The following SPMIP4 variants were observed in gnomAD, a reference collection of about 807,000 sequenced individuals.
SPMIP4 encodes the protein sperm microtubule inner protein 4.
the SPMIP4 span, chr7:25,136,174 G>C: frequency 6.2e-7 from 1 of 1,614,172 alleles, no homozygotes; most frequent in South Asian, 1.1e-5. This position sits in a 1 kb window ranked among gnomAD's most constrained non-coding sequence, Gnocchi z 5.7. Context: ...ACCAAGAACA[G>C]GTCTTGTTTC....
At chr7:25,131,772 C>T in the SPMIP4 span, among the ~76,000 whole-genome samples, 2 of 152,154 alleles carry the variant, frequency 1.3e-5, no homozygotes, top group African/African-American at 4.8e-5. This position sits in a 1 kb window ranked among gnomAD's most constrained non-coding sequence, Gnocchi z 4.2. Context: ...GGAAGAGAAC[C>T]ATGGAACCCA....
At chr7:25,142,962 A>G in the SPMIP4 span, 1 of 508,722 alleles carries the variant, frequency 2.0e-6, no homozygotes, top group Non-Finnish European at 3.4e-6. Flanking sequence ...GTTAATTACT[A>G]ATTGCTATAA....
At chr7:25,178,160 A>C in the SPMIP4 span, among the ~76,000 whole-genome samples, 2 of 152,162 alleles carry the variant, frequency 1.3e-5, no homozygotes, top group African/African-American at 4.8e-5. Flanking sequence ...ATGGCTGCAT[A>C]GTATTCCATG....
the SPMIP4 span, chr7:25,136,483 G>T: frequency 6.2e-7 from 1 of 1,614,176 alleles, no homozygotes; most frequent in East Asian, 2.2e-5. This position sits in a 1 kb window ranked among gnomAD's most constrained non-coding sequence, Gnocchi z 5.7. Context: ...ATAAATGCTA[G>T]TTAGGTCTTT....
At chr7:25,176,884 G>A in the SPMIP4 span, among the ~76,000 whole-genome samples, 1 of 152,230 alleles carries the variant, frequency 6.6e-6, no homozygotes, top group Non-Finnish European at 1.5e-5. The surrounding 1 kb of genome is among the most constrained non-coding windows in gnomAD (Gnocchi z 4.4). Context: ...GTGGAAGTCT[G>A]ATCGAGATGG....
At chr7:25,135,451 T>C in the SPMIP4 span, 1 of 985,828 alleles carries the variant, frequency 1.0e-6, no homozygotes. Flanking sequence ...TAAGACAATA[T>C]AGTTTTTAGA....
chr7:25,128,791 G>A, the SPMIP4 span, among the ~76,000 whole-genome samples: 1 of 152,132 alleles, frequency 6.6e-6, no homozygotes, highest in Non-Finnish European at 1.5e-5. This position sits in a 1 kb window ranked among gnomAD's most constrained non-coding sequence, Gnocchi z 4.5. Flanking sequence ...CACCACACCT[G>A]AAGCCAGCAT....
At chr7:25,158,595 T>C in the SPMIP4 span, 1 of 1,322,836 alleles carries the variant, frequency 7.6e-7, no homozygotes, top group Non-Finnish European at 1.1e-6. Flanking sequence ...TATATCCCTA[T>C]TAGAAACTTG....
chr7:25,174,926 A>G, the SPMIP4 span, among the ~76,000 whole-genome samples: 1 of 152,246 alleles, frequency 6.6e-6, no homozygotes, highest in African/African-American at 2.4e-5. This position sits in a 1 kb window ranked among gnomAD's most constrained non-coding sequence, Gnocchi z 4.5. Flanking sequence ...AATAGTGGCT[A>G]GCATAATTGT....
At chr7:25,158,144 G>C in the SPMIP4 span, among the ~76,000 whole-genome samples, 1 of 152,138 alleles carries the variant, frequency 6.6e-6, no homozygotes, top group Non-Finnish European at 1.5e-5. Flanking sequence ...GAGGTGGGCG[G>C]ATCACTTGAG....
chr7:25,177,690 T>C, the SPMIP4 span, among the ~76,000 whole-genome samples: 1 of 152,182 alleles, frequency 6.6e-6, no homozygotes, highest in Non-Finnish European at 1.5e-5. Context: ...CAGATAACAG[T>C]AGTACTTATA....
At chr7:25,130,683 T>G in the SPMIP4 span, among the ~76,000 whole-genome samples, 1 of 152,144 alleles carries the variant, frequency 6.6e-6, no homozygotes, top group African/African-American at 2.4e-5. Context: ...TTGTGACCTT[T>G]CATTAGTTTT....
the SPMIP4 span, among the ~76,000 whole-genome samples, chr7:25,143,191 A>G: frequency 6.6e-6 from 1 of 152,174 alleles, no homozygotes; most frequent in Non-Finnish European, 1.5e-5. Flanking sequence ...TTTTCCTTCC[A>G]TGCCTGAAAT....
At chr7:25,155,138 G>A in the SPMIP4 span, 30 of 1,610,788 alleles carry the variant, frequency 1.9e-5, no homozygotes, top group South Asian at 7.7e-5. Flanking sequence ...ACATGGCGCC[G>A]CGACAGATGT....
the SPMIP4 span, among the ~76,000 whole-genome samples, chr7:25,157,397 T>G: frequency 6.6e-6 from 1 of 152,120 alleles, no homozygotes; most frequent in African/African-American, 2.4e-5. Flanking sequence ...TAGAGTGCAG[T>G]GTGGAAAGGA....
chr7:25,161,716 A>C, the SPMIP4 span, among the ~76,000 whole-genome samples: 4 of 151,446 alleles, frequency 2.6e-5, no homozygotes, highest in South Asian at 2.1e-4. Context: ...CAGCCTCCCA[A>C]AGTGCTGGGA....
At chr7:25,164,129 G>A in the SPMIP4 span, among the ~76,000 whole-genome samples, 1 of 152,182 alleles carries the variant, frequency 6.6e-6, no homozygotes, top group Non-Finnish European at 1.5e-5. Context: ...TAGCCAGAAT[G>A]CATGGTCTGA....
the SPMIP4 span, among the ~76,000 whole-genome samples, chr7:25,148,525 A>G: frequency 7.2e-6 from 1 of 138,116 alleles, no homozygotes; most frequent in Non-Finnish European, 1.5e-5. Context: ...CCCAGGCTGG[A>G]GTGCAGTGGT....
At chr7:25,171,431 G>A in the SPMIP4 span, among the ~76,000 whole-genome samples, 1 of 152,140 alleles carries the variant, frequency 6.6e-6, no homozygotes, top group South Asian at 2.1e-4. Flanking sequence ...TTCTGGTTAG[G>A]AACACAGCCT....
Sources: allele counts gnomAD v4.1 joint callset (sites outside exome capture counted in the v4.1 genomes callset), GRCh38; gene constraint gnomAD v4.1.1; non-coding constraint Gnocchi (gnomAD v3.1); transcripts MANE v1.5; gene names NCBI Gene and HGNC (gene_info 2026-07-23, HGNC 2026-07-21).